DIS3L2: variants seen among roughly 807,000 people sequenced by gnomAD.
DIS3L2 encodes the protein DIS3-like exonuclease 2.
DIS3L2 carries 34 observed loss-of-function variants against 97.5 expected under a neutral mutation model. That is an observed-to-expected ratio of 0.35 (90% CI 0.27 to 0.46). The LOEUF (loss-of-function observed/expected upper bound fraction) is 0.46, where lower values mean the gene tolerates loss of function less well. DIS3L2 is among the 20% of genes least tolerant of loss of function. The pLI, the probability that DIS3L2 is intolerant of heterozygous loss-of-function variation, is 1.00. For missense variants in DIS3L2, 1,038 were observed against 1,146.0 expected (o/e 0.91, Z 1.36); for synonymous variants, 435 against 445.2 (o/e 0.98, Z 0.29).
chr2:232,136,409 C>A, intron 7 of DIS3L2, 63 bp from the exon 8 acceptor site: 1 of 1,583,954 alleles, frequency 6.3e-7, no homozygotes, highest in Non-Finnish European at 8.6e-7. Flanking sequence ...ACCTGCTGAC[C>A]TCTCCCAAGT....
chr2:232,267,911 C>T (rs1476614514), intron 13 of DIS3L2, among the ~76,000 whole-genome samples: 1 of 151,966 alleles, frequency 6.6e-6, no homozygotes, highest in African/African-American at 2.4e-5. Flanking sequence ...GTGGCAGGTG[C>T]CAGAAGAATC....
intron 5 of DIS3L2, among the ~76,000 whole-genome samples, chr2:232,046,159 A>G: frequency 6.6e-6 from 1 of 152,176 alleles, no homozygotes; most frequent in South Asian, 2.1e-4. Flanking sequence ...TGTAAGCACC[A>G]TAGTCTCAGG....
At chr2:232,237,675 G>C (rs1196353250) in intron 10 of DIS3L2, among the ~76,000 whole-genome samples, 2 of 142,524 alleles carry the variant, frequency 1.4e-5, no homozygotes, top group Non-Finnish European at 3.0e-5. Context: ...GCAGATGGAG[G>C]AAATGGTTGG....
chr2:232,010,887 G>A (rs970501937), intron 1 of DIS3L2, among the ~76,000 whole-genome samples: 2 of 152,312 alleles, frequency 1.3e-5, no homozygotes, highest in South Asian at 4.1e-4. Context: ...GTTGTAACCT[G>A]ACTTCTGTCC....
chr2:232,290,759 G>T (rs1694578954), intron 13 of DIS3L2, among the ~76,000 whole-genome samples: 1 of 152,216 alleles, frequency 6.6e-6, no homozygotes, highest in South Asian at 2.1e-4. Flanking sequence ...CAGCTGTGGG[G>T]TTTACAGACG....
intron 10 of DIS3L2, among the ~76,000 whole-genome samples, chr2:232,225,753 G>A: frequency 6.6e-6 from 1 of 151,952 alleles, no homozygotes; most frequent in Non-Finnish European, 1.5e-5. Context: ...AAAAAATGAA[G>A]GAGTACAAAA....
At chr2:232,112,412 G>A (rs1017030777) in intron 6 of DIS3L2, among the ~76,000 whole-genome samples, 2 of 152,188 alleles carry the variant, frequency 1.3e-5, no homozygotes, top group South Asian at 2.1e-4. Flanking sequence ...TGAATACAAA[G>A]TAAAATCTGG....
chr2:231,990,355 C>T (rs895099024), intron 1 of DIS3L2, among the ~76,000 whole-genome samples: 9 of 152,114 alleles, frequency 5.9e-5, no homozygotes, highest in African/African-American at 1.7e-4. Context: ...AATTTGTCTC[C>T]GAAGTCTGCA....
chr2:232,130,807 T>C (rs1348295391), intron 7 of DIS3L2, 88 bp downstream of exon 7: 1 of 1,460,078 alleles, frequency 6.8e-7, no homozygotes, highest in Non-Finnish European at 9.1e-7. Context: ...GTCAGGACTG[T>C]ATTTGGTCAT....
chr2:232,024,401 C>A, intron 4 of DIS3L2, 71 bp downstream of exon 4: 3 of 1,217,938 alleles, frequency 2.5e-6, no homozygotes, highest in Non-Finnish European at 2.4e-6. Flanking sequence ...AAACTGAAAT[C>A]ATATATTCTA....
intron 10 of DIS3L2, among the ~76,000 whole-genome samples, chr2:232,222,102 C>G (rs751815514): frequency 1.3e-5 from 2 of 151,932 alleles, no homozygotes; most frequent in Non-Finnish European, 2.9e-5. Flanking sequence ...GCCACTGTGC[C>G]TGGCTAATTT....
intron 5 of DIS3L2, among the ~76,000 whole-genome samples, chr2:232,086,901 C>CA (rs1001375061): frequency 6.6e-6 from 1 of 151,504 alleles, no homozygotes; most frequent in Non-Finnish European, 1.5e-5. Flanking sequence ...AGGATGGTCT[C>CA]AATCTCCTGA....
intron 9 of DIS3L2, among the ~76,000 whole-genome samples, chr2:232,185,950 TAG>T (rs967404805): frequency 6.6e-6 from 1 of 150,962 alleles, no homozygotes; most frequent in Non-Finnish European, 1.5e-5. Flanking sequence ...TGGAAAACGG[TAG>T]AGAAAATTGG....
intron 13 of DIS3L2, among the ~76,000 whole-genome samples, chr2:232,342,268 TATAC>T (rs1192452864): frequency 4.0e-5 from 6 of 151,544 alleles, no homozygotes; most frequent in East Asian, 1.9e-4. Flanking sequence ...CACATACACA[TATAC>T]ATATATACAC....
intron 1 of DIS3L2, among the ~76,000 whole-genome samples, chr2:231,980,898 T>C (rs1486413111): frequency 1.3e-5 from 2 of 152,174 alleles, no homozygotes; most frequent in African/African-American, 4.8e-5. Flanking sequence ...GCCTCCTGAA[T>C]AGCTGGGACC....
At chr2:232,229,284 C>G (rs545656218) in intron 10 of DIS3L2, among the ~76,000 whole-genome samples, 1 of 152,194 alleles carries the variant, frequency 6.6e-6, no homozygotes, top group Admixed American at 6.5e-5. Context: ...ATCCCTCATT[C>G]CACAGCCAGT....
chr2:232,300,652 CTTTTTTTTTTT>C (rs35570747), intron 14 of DIS3L2, among the ~76,000 whole-genome samples: 6 of 121,454 alleles, frequency 4.9e-5, no homozygotes, highest in Admixed American at 2.5e-4. Context: ...TAGACTGCTC[CTTTTTTTTTTT>C]TTTTTTTTTG....
At chr2:232,299,964 A>T in intron 13 of DIS3L2, 76 bp from the exon 14 acceptor site, 1 of 1,460,270 alleles carries the variant, frequency 6.8e-7, no homozygotes, top group Non-Finnish European at 9.5e-7. Context: ...GTTTGATTTT[A>T]TTTTTTTCAT....
At chr2:232,266,067 A>G (rs1234916386) in intron 13 of DIS3L2, among the ~76,000 whole-genome samples, 1 of 152,210 alleles carries the variant, frequency 6.6e-6, no homozygotes, top group Non-Finnish European at 1.5e-5. Flanking sequence ...TTTCTGTCAT[A>G]ACGTTTTAGA....
Sources: allele counts gnomAD v4.1 joint callset (sites outside exome capture counted in the v4.1 genomes callset), GRCh38; gene constraint gnomAD v4.1.1; transcripts MANE v1.5; gene names NCBI Gene and HGNC (gene_info 2026-07-23, HGNC 2026-07-21).